CCDC69: variants seen among roughly 807,000 people sequenced by gnomAD.
CCDC69 encodes coiled-coil domain containing 69, also known as coiled-coil domain-containing protein 69.
CCDC69 carries 38 observed loss-of-function variants against 40.3 expected under a neutral mutation model. The ratio of observed to expected loss-of-function variants is 0.94; its 90% CI spans 0.73 to 1.24. The LOEUF (loss-of-function observed/expected upper bound fraction) is 1.24, where lower values mean the gene tolerates loss of function less well. CCDC69 is among the 50% of genes most tolerant of loss of function. The pLI, the probability that CCDC69 is intolerant of heterozygous loss-of-function variation, is 0.00. For synonymous variants in CCDC69, 141 were observed against 138.9 expected (o/e 1.02, Z -0.11); for missense variants, 389 against 357.9 (o/e 1.09, Z -0.70).
At chr5:151,217,452 G>C (rs1469536754) in intron 1 of CCDC69, among the ~76,000 whole-genome samples, 3 of 152,210 alleles carry the variant, frequency 2.0e-5, no homozygotes, top group Non-Finnish European at 4.4e-5. Context: ...CTTGCGATAT[G>C]AAAGTTTCCT....
At chr5:151,200,021 C>T (rs1208783798) in intron 3 of CCDC69, among the ~76,000 whole-genome samples, 1 of 152,140 alleles carries the variant, frequency 6.6e-6, no homozygotes, top group Non-Finnish European at 1.5e-5. Flanking sequence ...TGAGGCCGCA[C>T]CCTCCCCGCA....
intron 4 of CCDC69, among the ~76,000 whole-genome samples, chr5:151,190,665 C>CAA (rs35015191): frequency 1.1e-4 from 10 of 93,536 alleles, no homozygotes; most frequent in African/African-American, 3.6e-4. Context: ...GACTCTGTCT[C>CAA]AAAAAAAAAA....
At chr5:151,207,477 G>C (rs533361674) in intron 1 of CCDC69, among the ~76,000 whole-genome samples, 1 of 151,232 alleles carries the variant, frequency 6.6e-6, no homozygotes, top group Admixed American at 6.6e-5. Flanking sequence ...ATTTTTAGTA[G>C]AGATGGAGTT....
intron 1 of CCDC69, among the ~76,000 whole-genome samples, chr5:151,208,372 T>C (rs1420547205): frequency 6.6e-6 from 1 of 152,238 alleles, no homozygotes; most frequent in African/African-American, 2.4e-5. Context: ...AGCATGCTTC[T>C]CACTGGGGAG....
chr5:151,204,984 A>G (rs1752832896), intron 2 of CCDC69, among the ~76,000 whole-genome samples: 1 of 151,788 alleles, frequency 6.6e-6, no homozygotes, highest in Non-Finnish European at 1.5e-5. Context: ...ATAGTACCCA[A>G]CAGTTTTTCA....
chr5:151,220,860 T>TCC (rs1290739734), intron 1 of CCDC69, among the ~76,000 whole-genome samples: 1 of 151,428 alleles, frequency 6.6e-6, no homozygotes, highest in African/African-American at 2.4e-5. Context: ...GGAAGGCCCC[T>TCC]CCTTACCACT....
At chr5:151,222,304 C>T (rs1294943221) in intron 1 of CCDC69, among the ~76,000 whole-genome samples, 1 of 152,248 alleles carries the variant, frequency 6.6e-6, no homozygotes, top group Admixed American at 6.5e-5. Context: ...TTTGGCTGTG[C>T]CAGGGACAGG....
intron 4 of CCDC69, among the ~76,000 whole-genome samples, chr5:151,195,236 A>G (rs1326902549): frequency 6.6e-6 from 1 of 152,240 alleles, no homozygotes; most frequent in Admixed American, 6.5e-5. Context: ...TGGGTGTTAC[A>G]GTAGGAAATT....
At chr5:151,188,333 G>A (rs952929318) in intron 4 of CCDC69, among the ~76,000 whole-genome samples, 4 of 152,182 alleles carry the variant, frequency 2.6e-5, no homozygotes, top group East Asian at 1.9e-4. Flanking sequence ...GGCCGGGCAC[G>A]GTGGCTCATG....
At chr5:151,189,959 C>T (rs545064886) in intron 4 of CCDC69, among the ~76,000 whole-genome samples, 16 of 152,250 alleles carry the variant, frequency 1.1e-4, no homozygotes, top group Admixed American at 9.8e-4. Context: ...GAGTACAAAA[C>T]CATAACAAAA....
chr5:151,221,039 G>T (rs574560636), intron 1 of CCDC69, among the ~76,000 whole-genome samples: 33 of 152,234 alleles, frequency 2.2e-4, no homozygotes, highest in Admixed American at 6.5e-4. Flanking sequence ...CCCACCCCCA[G>T]CCTGCCAGGA....
intron 1 of CCDC69, among the ~76,000 whole-genome samples, chr5:151,212,568 G>A (rs1026101944): frequency 6.6e-6 from 1 of 152,178 alleles, no homozygotes; most frequent in African/African-American, 2.4e-5. Context: ...GCTCAGATTG[G>A]GGCTGGTGAG....
chr5:151,206,957 G>C (rs1752861350), intron 1 of CCDC69, among the ~76,000 whole-genome samples: 1 of 151,270 alleles, frequency 6.6e-6, no homozygotes, highest in Non-Finnish European at 1.5e-5. Context: ...ACAGAGTCTT[G>C]CTCTGTTGCC....
Position 151,184,363 on chromosome 5 carries a change from T to C in CCDC69, c.694A>G (p.Asn232Asp), listed in dbSNP as rs760712301. 1.9e-6 allele frequency: 3 copies of C among 1,613,994 alleles called. No homozygotes were observed. The highest frequency in any genetic ancestry group is 2.2e-5 in the South Asian group (2 of 91,084). Residue 232 changes from asparagine (N) to aspartate (D), a missense_variant, in exon 8 of 9, where the codon AAC becomes GAC. Asn to Asp is a conservative substitution (Grantham distance 23, BLOSUM62 1). Coordinates refer to ENST00000355417, the MANE Select transcript of CCDC69 (RefSeq NM_015621.3). Reference sequence around the variant, plus strand: ...AGCTACCTTGACAGGACCACCTGGTTGCGGCTTCGGACATGGAGGTCCTCA... The same window carrying C: ...AGCTACCTTGACAGGACCACCTGGTCGCGGCTTCGGACATGGAGGTCCTCA... ...ENEDLHVRSR[N>D]QVVLSRQLSE...
chr5:151,185,423 A>T lies in CCDC69; in HGVS notation c.614T>A (p.Val205Glu). ...CCCCAGCCACTCCCAGTCACAGACCACTGTTTCCATGAGGATCAGCCGCCT... is the reference window on the plus strand; with the variant it reads ...CCCCAGCCACTCCCAGTCACAGACCTCTGTTTCCATGAGGATCAGCCGCCT... Reference protein sequence around the residue: ...LDRRLILMETVKEKNLILEEK... With the variant: ...LDRRLILMETEKEKNLILEEK... Residue 205 changes from valine (V) to glutamate (E), a missense_variant and splice_region_variant, in exon 7 of 9, where the codon GTG becomes GAG. By Grantham distance (121) the Val-to-Glu change is moderately radical. Transcript: ENST00000355417. 6.2e-7 allele frequency: 1 copy of T among 1,613,852 alleles called. No homozygotes were observed. The highest frequency in any genetic ancestry group is 8.5e-7 in the Non-Finnish European group (1 of 1,179,792).
intron 1 of CCDC69, among the ~76,000 whole-genome samples, chr5:151,217,702 T>C (rs937683435): frequency 2.0e-5 from 3 of 152,202 alleles, no homozygotes; most frequent in African/African-American, 7.2e-5. Flanking sequence ...CCTGTGTGTC[T>C]GTGTCCAAAT....
At chr5:151,203,369 G>A (rs1163923566) in intron 2 of CCDC69, among the ~76,000 whole-genome samples, 1 of 151,488 alleles carries the variant, frequency 6.6e-6, no homozygotes, top group Non-Finnish European at 1.5e-5. Context: ...ATTTAGGTGG[G>A]CATGGTGGCA....
At position 151,183,182 on chromosome 5, in the gene CCDC69, G is replaced by C. The variant is rs1404274510; in HGVS notation, c.*255C>G. 4 of 638,258 alleles carry C rather than the reference G, an allele frequency of 6.3e-6. No homozygotes were observed. The highest frequency in any genetic ancestry group is 1.2e-5 in the Non-Finnish European group (4 of 344,578). The allele number at this position is 638,258 out of a possible 1,614,324, so 39.5% of individuals were successfully genotyped here. A position where few individuals can be genotyped will look rare whatever the true frequency, so the allele number is the denominator to read the frequency against. On this transcript the variant is annotated 3_prime_UTR_variant, in exon 9 of 9. Transcript: ENST00000355417. ...CGGATTGGGACAGAGTGCTGGGGCA[G>C]GGAGGAAATGTCTCCTCTTGCTTAT...
At chr5:151,205,789 C>A (rs558936256) in intron 1 of CCDC69, among the ~76,000 whole-genome samples, 1 of 152,320 alleles carries the variant, frequency 6.6e-6, no homozygotes, top group South Asian at 2.1e-4. Context: ...CCACCTCTTT[C>A]TTCTCCCGGG....
Sources: gnomAD v4.1 joint callset for allele counts (sites outside exome capture counted in the v4.1 genomes callset) on GRCh38, gnomAD v4.1.1 for gene constraint, MANE v1.5 for transcripts, NCBI Gene and HGNC (gene_info 2026-07-23, HGNC 2026-07-21) for gene names.